REL: variants seen among roughly 807,000 people sequenced by gnomAD.
REL encodes the protein proto-oncogene c-Rel.
REL carries 15 observed loss-of-function variants against 45.9 expected under a neutral mutation model. The ratio of observed to expected loss-of-function variants is 0.33; its 90% CI spans 0.22 to 0.50. REL has a LOEUF of 0.50. Ranked by LOEUF, REL falls within the 20% of genes least tolerant of loss-of-function variation. The pLI is 0.98. For missense variants in REL, 601 were observed against 715.2 expected (o/e 0.84, Z 1.82); for synonymous variants, 239 against 242.1 (o/e 0.99, Z 0.12).
intron 4 of REL, among the ~76,000 whole-genome samples, chr2:60,911,897 C>G (rs981191128): frequency 6.7e-5 from 10 of 148,216 alleles, no homozygotes; most frequent in Non-Finnish European, 1.3e-4. Flanking sequence ...ACTCGGGAGG[C>G]TGAGGCAGGA....
rs1294330979 is a variant in REL, at chr2:60,924,538, C to A, written c.*2003C>A. On this transcript the variant is annotated 3_prime_UTR_variant, in exon 10 of 10. Coordinates refer to ENST00000394479, the MANE Select transcript of REL (RefSeq NM_001291746.2). ...AAGTCCAGGAATAATAATGGTCATC[C>A]AAATTGTTTGAAAGGAAAATAATCC... 1 of 215,302 alleles carries A rather than the reference C, an allele frequency of 4.6e-6. No homozygotes were observed. Among genetic ancestry groups the A allele is most frequent in the African/African-American group, 2.3e-5 (1 of 44,334 alleles). The allele number at this position is 215,302 out of a possible 1,614,324, so 13.3% of individuals were successfully genotyped here. A position where few individuals can be genotyped will look rare whatever the true frequency, so the allele number is the denominator to read the frequency against.
At position 60,918,244 on chromosome 2, in the gene REL, A is replaced by G. The variant is rs865799002; in HGVS notation, c.589A>G (p.Ser197Gly). The G allele has an allele frequency of 5.0e-6, 8 of 1,610,452 alleles. No individual in the cohort carries two copies. The Middle Eastern group carries it at 1.3e-3, about 267-fold the overall frequency. The change falls in exon 6 of 10, where the codon AGT becomes GGT. Residue 197 changes from serine (S) to glycine (G), a missense_variant. Ser to Gly is a moderately conservative substitution (Grantham distance 56). Transcript: ENST00000394479. ...TTGTCGTGTAAACAAGAATTGTGGA[A>G]GTGTCAGAGGAGGAGATGAAATATT... ...RICRVNKNCG[S>G]VRGGDEIFLL...
chr2:60,891,611 A>C (rs977888181), intron 1 of REL, 72 bp from the exon 2 acceptor site: 35 of 1,303,456 alleles, frequency 2.7e-5, no homozygotes, highest in Admixed American at 1.6e-4. Flanking sequence ...TATAAAAAAA[A>C]CAGAATGTTA....
At chr2:60,906,909 A>ATT (rs1291297864) in intron 4 of REL, among the ~76,000 whole-genome samples, 71 of 97,480 alleles carry the variant, frequency 7.3e-4, no homozygotes, top group Non-Finnish European at 1.3e-3. Context: ...ATATATATAT[A>ATT]TATATTTTTT....
Position 60,926,120 on chromosome 2 carries a change from A to T in REL, c.*3585A>T, listed in dbSNP as rs532449628. ...ATCTGAGGCACTTTTTCTGAACTCT[A>T]CTTGTGCACTGGATCCCTCCTCCTT... On this transcript the variant is annotated 3_prime_UTR_variant, in exon 10 of 10. Transcript: ENST00000394479. 4.3e-6 allele frequency: 1 copy of T among 231,306 alleles called. No homozygotes were observed. Among genetic ancestry groups the T allele is most frequent in the Non-Finnish European group, 8.6e-6 (1 of 116,620 alleles). 14.3% of individuals were successfully genotyped at this position (231,306 alleles called of 1,614,324 possible).
rs1672945983 is a variant in REL, at chr2:60,881,870, G to C, written c.10+20G>C. The stretch of plus-strand genomic sequence containing the variant: ...CCTCCGGTGAGTGTTCATGGGGCGC[G>C]GGCCTGGGCCGGGGGAAAGGAGCTC... On this transcript the variant is annotated intron_variant, in intron 1 of 9. Coordinates refer to ENST00000394479, the MANE Select transcript of REL (RefSeq NM_001291746.2). 2 of 1,458,482 alleles carry C rather than the reference G, an allele frequency of 1.4e-6. No homozygotes were observed. The highest frequency in any genetic ancestry group is 1.5e-5 in the African/African-American group (1 of 67,984). The allele number at this position is 1,458,482 out of a possible 1,614,324, so 90.3% of individuals were successfully genotyped here.
At chr2:60,920,741 T>G in intron 9 of REL, 99 bp downstream of exon 9, 1 of 723,904 alleles carries the variant, frequency 1.4e-6, no homozygotes, top group Admixed American at 3.1e-5. Flanking sequence ...ACTGCTTCTT[T>G]GAAAATTTTC....
rs1261658510 is a variant in REL at position 60,881,746 on chromosome 2, C to A, written c.-95C>A. ...GTGGTCGGGGGACTGGGGGCCCCGCCGGCAGAGGTCCCTCGGCCTCCTGAC... is the reference window on the plus strand; with the variant it reads ...GTGGTCGGGGGACTGGGGGCCCCGCAGGCAGAGGTCCCTCGGCCTCCTGAC... On this transcript the variant is annotated 5_prime_UTR_variant, in exon 1 of 10. Coordinates refer to ENST00000394479, the MANE Select transcript of REL (RefSeq NM_001291746.2). 2 of 1,166,216 alleles carry A rather than the reference C, an allele frequency of 1.7e-6. No homozygotes were observed. The allele number at this position is 1,166,216 out of a possible 1,614,324, so 72.2% of individuals were successfully genotyped here.
chr2:60,919,926 TTACA>T (rs1268071604), intron 7 of REL, 111 bp from the exon 8 acceptor site: 5 of 654,072 alleles, frequency 7.6e-6, no homozygotes, highest in East Asian at 5.6e-5. Flanking sequence ...TAAATCCAAC[TTACA>T]TACATATTTA....
chr2:60,905,287 G>T (rs923758331), intron 4 of REL, among the ~76,000 whole-genome samples: 59 of 152,138 alleles, frequency 3.9e-4, no homozygotes, highest in Admixed American at 1.4e-3. Context: ...GTAGAGATGG[G>T]GTTTCATCGT....
chr2:60,917,921 G>C (rs2103980611), intron 5 of REL, among the ~76,000 whole-genome samples: 1 of 152,184 alleles, frequency 6.6e-6, no homozygotes, highest in East Asian at 1.9e-4. Context: ...TGGTGACAGT[G>C]GGTAGGATTG....
rs2103985261 is a variant in REL at position 60,920,129 on chromosome 2, A to G, written c.922+20A>G. 1 of 1,522,768 alleles carries G rather than the reference A, an allele frequency of 6.6e-7. No homozygotes were observed. 94.3% of individuals were successfully genotyped at this position (1,522,768 alleles called of 1,614,324 possible). ...ATCACGGTAAGAATAGTTTGGATCG[A>G]TTCATATTTAAATAGGTTTTGTTTT... On this transcript the variant is annotated intron_variant, in intron 8 of 9. Coordinates refer to ENST00000394479, the MANE Select transcript of REL (RefSeq NM_001291746.2).
At chr2:60,895,671 A>G (rs1673329711) in intron 3 of REL, among the ~76,000 whole-genome samples, 1 of 152,250 alleles carries the variant, frequency 6.6e-6, no homozygotes, top group South Asian at 2.1e-4. Flanking sequence ...TAGAATGTAA[A>G]TTAATAAAGA....
chr2:60,926,496 C>T lies in REL; in HGVS notation c.*3961C>T, dbSNP rs1002449706. 1.3e-5 allele frequency: 3 copies of T among 231,816 alleles called. No homozygotes were observed. Among genetic ancestry groups the T allele is most frequent in the South Asian group, 1.8e-4 (1 of 5,512 alleles). The allele number at this position is 231,816 out of a possible 1,614,324, so 14.4% of individuals were successfully genotyped here. A position where few individuals can be genotyped will look rare whatever the true frequency, so the allele number is the denominator to read the frequency against. On this transcript the variant is annotated 3_prime_UTR_variant, in exon 10 of 10. Transcript: ENST00000394479. ...TCCTATACTTCCCTCTTTGCATACT[C>T]CTCTGGGTTTTCTGTGGTAGTCAAG...
chr2:60,919,881 T>TA (rs1674088182), intron 7 of REL, among the ~76,000 whole-genome samples, 160 bp from the exon 8 acceptor site: 1 of 152,200 alleles, frequency 6.6e-6, no homozygotes, highest in Non-Finnish European at 1.5e-5. Flanking sequence ...TTTCTACTGA[T>TA]ACTACTGATT....
chr2:60,913,094 AATTT>A (rs769518363), intron 4 of REL, among the ~76,000 whole-genome samples: 23 of 152,102 alleles, frequency 1.5e-4, no homozygotes, highest in Non-Finnish European at 2.9e-4. Context: ...TCTTAATTTC[AATTT>A]ATTATATTTT....
intron 1 of REL, 109 bp downstream of exon 1, chr2:60,881,959 C>G (rs368418163): frequency 1.5e-6 from 1 of 682,680 alleles, no homozygotes; most frequent in East Asian, 3.4e-5. Flanking sequence ...CGCGTTCTGT[C>G]TTTAAAATCT....
chr2:60,902,314 G>A (rs563859970), intron 4 of REL, among the ~76,000 whole-genome samples: 1 of 152,140 alleles, frequency 6.6e-6, no homozygotes, highest in South Asian at 2.1e-4. Context: ...AGTATAAAGC[G>A]GAAAGTAAAA....
rs149889042 is a variant in REL, at chr2:60,930,425, A to G, written c.*7890A>G. 421 of 152,450 alleles carry G rather than the reference A, an allele frequency of 2.8e-3. 5 individuals are homozygous for G. Among genetic ancestry groups the G allele is most frequent in the African/African-American group, 9.7e-3 (403 of 41,578 alleles). The allele number at this position is 152,450 out of a possible 1,614,324, so 9.4% of individuals were successfully genotyped here. A position where few individuals can be genotyped will look rare whatever the true frequency, so the allele number is the denominator to read the frequency against. On this transcript the variant is annotated 3_prime_UTR_variant, in exon 10 of 10. Coordinates refer to ENST00000394479, the MANE Select transcript of REL (RefSeq NM_001291746.2). ...TTGGAGAGCCTTCTTTTGGCTTATCATTTATTATAAGCCCAGAAATAGGTG... is the reference window on the plus strand; with the variant it reads ...TTGGAGAGCCTTCTTTTGGCTTATCGTTTATTATAAGCCCAGAAATAGGTG...
Sources: gnomAD v4.1 joint callset for allele counts (sites outside exome capture counted in the v4.1 genomes callset) on GRCh38, gnomAD v4.1.1 for gene constraint, MANE v1.5 for transcripts, NCBI Gene and HGNC (gene_info 2026-07-23, HGNC 2026-07-21) for gene names.